Variants in ADIPOR2 observed in about 807,000 individuals in gnomAD.
The protein encoded by ADIPOR2 is adiponectin receptor 2, also known as adiponectin receptor protein 2.
In ADIPOR2, 18 loss-of-function variants were observed where a neutral mutation model predicts 40.9. That is an observed-to-expected ratio of 0.44 (90% CI 0.30 to 0.65). The LOEUF is 0.65. Among genes scored for constraint, ADIPOR2 ranks in the 30% least tolerant of loss-of-function variants. The pLI, the probability that ADIPOR2 is intolerant of heterozygous loss-of-function variation, is 0.09. For missense variants in ADIPOR2, 283 were observed against 479.2 expected, an observed-to-expected ratio of 0.59 and a Z score of 3.82; for synonymous variants, 165 against 166.4, an observed-to-expected ratio of 0.99 and a Z score of 0.06.
chr12:1,760,134 G>T (rs897213119), intron 2 of ADIPOR2, among the ~76,000 whole-genome samples: 2 of 151,758 alleles, frequency 1.3e-5, no homozygotes, highest in Admixed American at 6.6e-5. Context: ...AATTTTTTTT[G>T]ATATTTATTT....
intron 1 of ADIPOR2, among the ~76,000 whole-genome samples, chr12:1,738,953 A>T (rs770605889): frequency 6.6e-6 from 1 of 152,238 alleles, no homozygotes; most frequent in Admixed American, 6.5e-5. Flanking sequence ...TCAAAGAATA[A>T]CATTTCTTGT....
chr12:1,715,787 C>T (rs553504901), intron 1 of ADIPOR2, among the ~76,000 whole-genome samples: 8 of 152,216 alleles, frequency 5.3e-5, no homozygotes, highest in African/African-American at 9.6e-5. Flanking sequence ...CGCCAGTCAG[C>T]GCTCTGTAAA....
chr12:1,738,885 C>T (rs1297566577), intron 1 of ADIPOR2, among the ~76,000 whole-genome samples: 2 of 152,108 alleles, frequency 1.3e-5, no homozygotes, highest in South Asian at 2.1e-4. Context: ...TGAGAATTAA[C>T]AGGAGCATTA....
At chr12:1,747,140 G>A (rs1475558296) in intron 1 of ADIPOR2, among the ~76,000 whole-genome samples, 1 of 150,422 alleles carries the variant, frequency 6.6e-6, no homozygotes, top group African/African-American at 2.5e-5. Context: ...TAATAGGCAT[G>A]TATACTCCAC....
intron 2 of ADIPOR2, among the ~76,000 whole-genome samples, chr12:1,771,206 G>A (rs974814264): frequency 8.5e-5 from 13 of 152,120 alleles, no homozygotes; most frequent in South Asian, 2.1e-4. Flanking sequence ...TGTAGTGCAC[G>A]CATGCACACA....
chr12:1,747,570 C>G (rs1334757522), intron 1 of ADIPOR2, among the ~76,000 whole-genome samples: 1 of 152,118 alleles, frequency 6.6e-6, no homozygotes, highest in African/African-American at 2.4e-5. Flanking sequence ...TCACTTGCTT[C>G]CAGGCTTTTG....
At chr12:1,734,431 A>G (rs887079117) in intron 1 of ADIPOR2, among the ~76,000 whole-genome samples, 8 of 152,110 alleles carry the variant, frequency 5.3e-5, no homozygotes, top group African/African-American at 1.7e-4. Flanking sequence ...GTCTGTTCAT[A>G]TCCTTTGCCC....
At chr12:1,754,699 T>TTACTAC (rs59598626) in intron 2 of ADIPOR2, among the ~76,000 whole-genome samples, 185 bp downstream of exon 2, 16,789 of 103,018 alleles carry the variant, frequency 0.16, 1,187 homozygotes, top group Non-Finnish European at 0.22. Context: ...ATTATTATTA[T>TTACTAC]TACTACTACT....
chr12:1,764,588 C>CACACACACACACACACACACACAT (rs1555170937), intron 2 of ADIPOR2, among the ~76,000 whole-genome samples: 2 of 139,920 alleles, frequency 1.4e-5, no homozygotes, highest in African/African-American at 5.0e-5. Flanking sequence ...CACACACACA[C>CACACACACACACACACACACACAT]ACGTAGATAT....
In ADIPOR2 at chr12:1,754,462, G is replaced by T. The variant is rs1362808594; in HGVS notation, c.119G>T (p.Gly40Val). 4 of 1,613,234 alleles carry T rather than the reference G, an allele frequency of 2.5e-6. No homozygotes were observed. In the African/African-American group the frequency reaches 5.3e-5, roughly 22 times the overall value. ...TRRGDNDSHQ[G>V]DLEPILEASV... ...AGAGGTGATAATGACAGCCACCAAG[G>T]AGATTTGGAGCCCATTTTAGAGGCA... Residue 40 changes from glycine to valine, a missense_variant, in exon 2 of 8, where the codon GGA (glycine) becomes GTA (valine). Physicochemically the swap from Gly to Val is moderately radical, Grantham distance 109 (BLOSUM62 -3). Around this residue, in one of 3 missense-constraint regions of ADIPOR2, gnomAD observed 65 missense variants for 79.9 expected, o/e 0.81. Coordinates refer to ENST00000357103, the MANE Select transcript of ADIPOR2 (RefSeq NM_024551.3).
chr12:1,742,626 C>T (rs557865122), intron 1 of ADIPOR2, among the ~76,000 whole-genome samples: 5 of 152,278 alleles, frequency 3.3e-5, no homozygotes, highest in East Asian at 1.9e-4. Context: ...AATGGCATAG[C>T]GTTTGCATAT....
Position 1,786,074 on chromosome 12 carries a change from A to T in ADIPOR2, c.*2A>T, listed in dbSNP as rs760004494. 1 of 1,613,294 alleles carries T rather than the reference A, an allele frequency of 6.2e-7. No homozygotes were observed. Reference sequence around the variant, plus strand: ...TGCAGTGAAGAGGATGCACTGTGATACCTACCAGTCTCCAGGGACTATGAC... The same window carrying T: ...TGCAGTGAAGAGGATGCACTGTGATTCCTACCAGTCTCCAGGGACTATGAC... On this transcript the variant is annotated 3_prime_UTR_variant, in exon 8 of 8. Coordinates refer to ENST00000357103, the MANE Select transcript of ADIPOR2 (RefSeq NM_024551.3).
intron 1 of ADIPOR2, among the ~76,000 whole-genome samples, chr12:1,730,375 T>G (rs1592594512): frequency 6.6e-6 from 1 of 151,378 alleles, no homozygotes; most frequent in East Asian, 1.9e-4. Context: ...CTCAGCACTT[T>G]GGGAGGCCAA....
chr12:1,770,031 C>G (rs975227496), intron 2 of ADIPOR2, among the ~76,000 whole-genome samples: 1 of 152,054 alleles, frequency 6.6e-6, no homozygotes, highest in African/African-American at 2.4e-5. Flanking sequence ...GAGTCCTCCC[C>G]CTCAGCCTCT....
intron 2 of ADIPOR2, among the ~76,000 whole-genome samples, chr12:1,763,599 T>C (rs552395333): frequency 6.6e-6 from 1 of 152,216 alleles, no homozygotes; most frequent in Non-Finnish European, 1.5e-5. Context: ...TTTGTTTTTA[T>C]TAGATTTGTA....
At position 1,783,956 on chromosome 12, in the gene ADIPOR2, C is replaced by T. The variant is rs142559018; in HGVS notation, c.915C>T (p.Ala305=). Residue 305 remains alanine, a synonymous_variant, in exon 7 of 8, where the codon GCC becomes GCT. Transcript: ENST00000357103. ...TCATCTCGGAGGGGTTCCTTAAGGC[C>T]GCCACCATAGGGCAGATAGGCTGGT... ...HYVISEGFLK[A]ATIGQIGWLM... is the part of the protein sequence containing the mutation. 578 of 1,613,560 alleles carry T rather than the reference C, an allele frequency of 3.6e-4. 6 individuals are homozygous for T. The African/African-American group carries it at 5.9e-3, about 16-fold the overall frequency.
chr12:1,709,317 G>A (rs1022300025), intron 1 of ADIPOR2, among the ~76,000 whole-genome samples: 1 of 152,128 alleles, frequency 6.6e-6, no homozygotes, highest in Non-Finnish European at 1.5e-5. Flanking sequence ...GGAAGTGTTG[G>A]ACATCTTTTA....
At chr12:1,728,712 A>G (rs1017398799) in intron 1 of ADIPOR2, among the ~76,000 whole-genome samples, 2 of 152,092 alleles carry the variant, frequency 1.3e-5, no homozygotes, top group Non-Finnish European at 2.9e-5. Flanking sequence ...CGACAGGGCA[A>G]GACTCCGTCT....
At chr12:1,705,539 C>T (rs961698402) in intron 1 of ADIPOR2, among the ~76,000 whole-genome samples, 3 of 152,184 alleles carry the variant, frequency 2.0e-5, no homozygotes, top group African/African-American at 7.2e-5. Flanking sequence ...TACCTTCAGG[C>T]TATGAAACAA....
Sources: gnomAD v4.1 joint callset for allele counts (sites outside exome capture counted in the v4.1 genomes callset) on GRCh38, gnomAD v4.1.1 for gene constraint, gnomAD v4.1.1 regional missense constraint, MANE v1.5 for transcripts, NCBI Gene and HGNC (gene_info 2026-07-23, HGNC 2026-07-21) for gene names.